Variants in SMCO4 observed in about 807,000 individuals in gnomAD.
SMCO4 encodes the protein single-pass membrane protein with coiled-coil domains 4.
In SMCO4, 4 loss-of-function variants were observed where a neutral mutation model predicts 3.6. That is an observed-to-expected ratio of 1.11 (90% confidence interval 0.54 to 2.53). The LOEUF (loss-of-function observed/expected upper bound fraction) is 2.53, where lower values mean the gene tolerates loss of function less well. SMCO4 is among the 30% of genes most tolerant of loss of function. SMCO4 has a pLI of 0.02. For missense variants in SMCO4, 70 were observed against 80.8 expected (o/e 0.87, Z 0.51); for synonymous variants, 36 against 35.3 (o/e 1.02, Z -0.07).
intron 1 of SMCO4, among the ~76,000 whole-genome samples, chr11:93,507,066 A>T (rs1374288384): frequency 1.3e-5 from 2 of 152,166 alleles, no homozygotes; most frequent in Non-Finnish European, 2.9e-5. Flanking sequence ...AGGAAAACTG[A>T]CGGTATTTGT....
At chr11:93,527,848 C>T (rs1357727171) in intron 1 of SMCO4, among the ~76,000 whole-genome samples, 1 of 151,984 alleles carries the variant, frequency 6.6e-6, no homozygotes, top group Non-Finnish European at 1.5e-5. Context: ...ATGGGTTTTG[C>T]TATGTAGCCC....
At chr11:93,508,456 T>C (rs547766135) in intron 1 of SMCO4, among the ~76,000 whole-genome samples, 7 of 152,262 alleles carry the variant, frequency 4.6e-5, no homozygotes, top group Non-Finnish European at 8.8e-5. Flanking sequence ...ACCTAAAAAA[T>C]GAAATACAAA....
At chr11:93,524,631 C>T (rs1295981445) in intron 1 of SMCO4, among the ~76,000 whole-genome samples, 1 of 152,088 alleles carries the variant, frequency 6.6e-6, no homozygotes, top group Non-Finnish European at 1.5e-5. Flanking sequence ...CTGGAAGTAG[C>T]TTATGGGGAC....
chr11:93,549,109 G>A, the SMCO4 span, among the ~76,000 whole-genome samples: 7 of 152,256 alleles, frequency 4.6e-5, no homozygotes, highest in Non-Finnish European at 8.8e-5. Context: ...CTGCCTTATG[G>A]TCAGTGGCCA....
intron 2 of SMCO4, among the ~76,000 whole-genome samples, chr11:93,488,804 G>A (rs12363318): frequency 6.6e-5 from 10 of 152,146 alleles, no homozygotes; most frequent in Non-Finnish European, 1.2e-4. Context: ...AGTGTGTGCA[G>A]AGTAGGGGAC....
chr11:93,479,821 G>A (rs745792654), intron 2 of SMCO4, among the ~76,000 whole-genome samples: 1 of 152,092 alleles, frequency 6.6e-6, no homozygotes, highest in Non-Finnish European at 1.5e-5. Context: ...ACCTTCCCAA[G>A]CACCCACCGT....
At position 93,479,063 on chromosome 11, in the gene SMCO4, G is replaced by A. The variant is rs2134561707; in HGVS notation, c.127C>T (p.Leu43Phe). The A allele has an allele frequency of 6.2e-7, 1 of 1,613,828 alleles. No homozygotes were observed. ...ACGTACACAAACACCACGATCAAGA[G>A]CACGACCACGGCCAGCGTGGGCAGC... Reference protein sequence around the residue: ...VVLPTLAVVVLLIVVFVYVAT... With the variant: ...VVLPTLAVVVFLIVVFVYVAT... Residue 43 changes from leucine to phenylalanine, a missense_variant, in exon 3 of 3, where the codon CTC (leucine) becomes TTC (phenylalanine). Physicochemically the swap from Leu to Phe is conservative, Grantham distance 22. Coordinates refer to ENST00000298966, the MANE Select transcript of SMCO4 (RefSeq NM_020179.3).
chr11:93,518,726 C>G (rs368984831), intron 1 of SMCO4, among the ~76,000 whole-genome samples: 1 of 152,116 alleles, frequency 6.6e-6, no homozygotes, highest in Admixed American at 6.5e-5. Flanking sequence ...TGTAATTCTA[C>G]CAAATAACTA....
intron 2 of SMCO4, chr11:93,481,615 G>A: frequency 1.4e-6 from 1 of 723,634 alleles, no homozygotes; most frequent in Non-Finnish European, 1.7e-6. Context: ...GAGCAAAGGG[G>A]AAAAATGTCT....
chr11:93,479,819 A>C (rs1948571238), intron 2 of SMCO4, among the ~76,000 whole-genome samples: 1 of 151,958 alleles, frequency 6.6e-6, no homozygotes, highest in Non-Finnish European at 1.5e-5. Flanking sequence ...AAACCTTCCC[A>C]AGCACCCACC....
chr11:93,504,651 T>A (rs886739766), intron 1 of SMCO4, among the ~76,000 whole-genome samples: 1 of 152,222 alleles, frequency 6.6e-6, no homozygotes, highest in African/African-American at 2.4e-5. Context: ...CCTGCTATCA[T>A]CTGCCCAGGA....
chr11:93,521,564 T>C (rs753057038), intron 1 of SMCO4, among the ~76,000 whole-genome samples: 13 of 152,116 alleles, frequency 8.5e-5, no homozygotes, highest in Admixed American at 3.3e-4. Flanking sequence ...CAAACACAGG[T>C]TTCTCAGACT....
At chr11:93,521,240 A>G (rs1281395519) in intron 1 of SMCO4, among the ~76,000 whole-genome samples, 4 of 152,238 alleles carry the variant, frequency 2.6e-5, no homozygotes, top group Admixed American at 2.6e-4. Flanking sequence ...GTTTAGATCA[A>G]GATCAATAAC....
intron 2 of SMCO4, among the ~76,000 whole-genome samples, chr11:93,483,015 A>G (rs1359216107): frequency 6.6e-6 from 1 of 152,222 alleles, no homozygotes; most frequent in Non-Finnish European, 1.5e-5. Context: ...GGAGCAAGAC[A>G]AGAAGCTGAA....
intron 1 of SMCO4, among the ~76,000 whole-genome samples, chr11:93,517,449 G>A (rs1262553384): frequency 6.6e-6 from 1 of 152,134 alleles, no homozygotes; most frequent in Non-Finnish European, 1.5e-5. Flanking sequence ...ATCACTGACT[G>A]CACATGGTTA....
chr11:93,532,653 G>A (rs1474185516), intron 1 of SMCO4, among the ~76,000 whole-genome samples: 3 of 152,252 alleles, frequency 2.0e-5, no homozygotes, highest in South Asian at 2.1e-4. Flanking sequence ...ACAGACACAG[G>A]GGAATGCCAT....
At chr11:93,513,767 T>G (rs1789649769) in intron 1 of SMCO4, among the ~76,000 whole-genome samples, 1 of 152,144 alleles carries the variant, frequency 6.6e-6, no homozygotes, top group South Asian at 2.1e-4. Context: ...ATAGAGAGAT[T>G]TCACATCAGA....
chr11:93,526,010 A>G (rs1225590964), intron 1 of SMCO4, among the ~76,000 whole-genome samples: 2 of 152,198 alleles, frequency 1.3e-5, no homozygotes, highest in Non-Finnish European at 2.9e-5. Context: ...CCAATAATCC[A>G]TCTTCATCCA....
chr11:93,525,063 G>A (rs2134625059), intron 1 of SMCO4, among the ~76,000 whole-genome samples: 1 of 152,254 alleles, frequency 6.6e-6, no homozygotes, highest in South Asian at 2.1e-4. Context: ...GGGCCAAGGA[G>A]CCACTACTGT....
Sources: gnomAD v4.1 joint callset for allele counts (sites outside exome capture counted in the v4.1 genomes callset) on GRCh38, gnomAD v4.1.1 for gene constraint, MANE v1.5 for transcripts, NCBI Gene and HGNC (gene_info 2026-07-23, HGNC 2026-07-21) for gene names.